The following CECR2 variants were observed in gnomAD, a reference collection of about 807,000 sequenced individuals.
CECR2 encodes the protein chromatin remodeling regulator CECR2.
CECR2 carries 30 observed loss-of-function variants against 154.5 expected under a neutral mutation model. The ratio of observed to expected loss-of-function variants is 0.19; its 90% CI spans 0.15 to 0.26. The LOEUF is 0.26. CECR2 is among the 10% of genes least tolerant of loss of function. The pLI, the probability that CECR2 is intolerant of heterozygous loss-of-function variation, is 1.00. For synonymous variants in CECR2, 725 were observed against 683.7 expected (o/e 1.06, Z -0.94); for missense variants, 1,743 against 1,829.3 (o/e 0.95, Z 0.86).
At chr22:17,379,182 C>G (rs1279260793) in intron 1 of CECR2, among the ~76,000 whole-genome samples, 1 of 152,074 alleles carries the variant, frequency 6.6e-6, no homozygotes, top group East Asian at 1.9e-4. Context: ...GTTTCGAACT[C>G]CTGACCTCCA....
chr22:17,520,022 C>T (rs2056129543), intron 8 of CECR2, among the ~76,000 whole-genome samples: 1 of 152,146 alleles, frequency 6.6e-6, no homozygotes, highest in Non-Finnish European at 1.5e-5. Context: ...ATCTCTTAAC[C>T]TCATGATCCA....
Position 17,390,005 on chromosome 22 carries a change from A to G in CECR2, c.126+20096A>G, listed in dbSNP as rs1160483926. Among the ~76,000 whole-genome samples, 4 of 152,220 alleles carry G rather than the reference A, an allele frequency of 2.6e-5. No homozygotes were observed. The East Asian group carries it at 5.8e-4, about 22-fold the overall frequency. Reference sequence around the variant, plus strand: ...CTGAGTAAGATCTGTAGATAATAGTATATCAAATGTTGCCAATTGAGCCAA... The same window carrying G: ...CTGAGTAAGATCTGTAGATAATAGTGTATCAAATGTTGCCAATTGAGCCAA... On this transcript the variant is annotated intron_variant, in intron 1 of 18. Transcript: ENST00000262608.
intron 1 of CECR2, among the ~76,000 whole-genome samples, chr22:17,471,064 C>A (rs750354935): frequency 1.3e-5 from 2 of 152,178 alleles, no homozygotes; most frequent in African/African-American, 2.4e-5. Flanking sequence ...CTGTAAGAGT[C>A]ATGCAAGTAT....
intron 7 of CECR2, among the ~76,000 whole-genome samples, chr22:17,510,273 A>G (rs942178322): frequency 1.3e-5 from 2 of 152,140 alleles, no homozygotes; most frequent in Admixed American, 6.5e-5. Context: ...TTTGGAAGGC[A>G]GTTCCCTGAT....
intron 1 of CECR2, among the ~76,000 whole-genome samples, chr22:17,470,140 T>C (rs1247246003): frequency 3.3e-5 from 5 of 151,960 alleles, no homozygotes; most frequent in South Asian, 2.1e-4. Flanking sequence ...TGAAATTATA[T>C]ATAAAATTTT....
At chr22:17,366,152 C>G (rs73153486), upstream of CECR2, among the ~76,000 whole-genome samples, 3,613 of 152,156 alleles carry the variant, frequency 0.024, 59 homozygotes, top group Non-Finnish European at 0.039. Context: ...CAGAAAACAG[C>G]ACGAATGAGA....
In CECR2 at chr22:17,471,683, C is replaced by T. The variant is rs549451425; in HGVS notation, c.127-5905C>T. On this transcript the variant is annotated intron_variant, in intron 1 of 18. Coordinates refer to ENST00000262608, the MANE Select transcript of CECR2 (RefSeq NM_001290047.2). Reference sequence around the variant, plus strand: ...CCCCGGTAGTTGGGATTACAGGCACCCGCCACCACTCCTGGCTAATATTTG... The same window carrying T: ...CCCCGGTAGTTGGGATTACAGGCACTCGCCACCACTCCTGGCTAATATTTG... Among the ~76,000 whole-genome samples, 32 of 152,082 alleles carry T rather than the reference C, an allele frequency of 2.1e-4. No homozygotes were observed. In the South Asian group the frequency reaches 6.0e-3, roughly 29 times the overall value.
chr22:17,381,744 G>A (rs968962008), intron 1 of CECR2, among the ~76,000 whole-genome samples: 1 of 152,078 alleles, frequency 6.6e-6, no homozygotes, highest in African/African-American at 2.4e-5. Flanking sequence ...TTTGCCCAGT[G>A]AGCGATAGGG....
intron 1 of CECR2, among the ~76,000 whole-genome samples, chr22:17,417,956 T>G (rs1253964122): frequency 6.6e-6 from 1 of 152,104 alleles, no homozygotes; most frequent in Non-Finnish European, 1.5e-5. Context: ...AGAAGAATCT[T>G]GATAGAACGT....
At chr22:17,494,527 G>A (rs1252985397) in intron 2 of CECR2, among the ~76,000 whole-genome samples, 1 of 152,168 alleles carries the variant, frequency 6.6e-6, no homozygotes, top group Non-Finnish European at 1.5e-5. Context: ...GCCGGTGCTC[G>A]TGTGCTGAAT....
At chr22:17,548,063 A>C (rs2056640835) in intron 16 of CECR2, 85 bp from the exon 17 acceptor site, 1 of 1,275,312 alleles carries the variant, frequency 7.8e-7, no homozygotes, top group African/African-American at 1.5e-5. Context: ...ATCCACCTTA[A>C]TCTGACTCAG....
chr22:17,389,254 C>G (rs1447647937), intron 1 of CECR2, among the ~76,000 whole-genome samples: 3 of 152,166 alleles, frequency 2.0e-5, no homozygotes, highest in African/African-American at 7.2e-5. Context: ...CTCTTTCTCC[C>G]CACCAAGCTA....
chr22:17,526,860 ACT>A (rs2056274631), intron 9 of CECR2, among the ~76,000 whole-genome samples: 1 of 151,810 alleles, frequency 6.6e-6, no homozygotes, highest in South Asian at 2.1e-4. Context: ...AAATTATGAA[ACT>A]CTACAAGAAA....
chr22:17,414,862 T>C (rs2054133649), intron 1 of CECR2, among the ~76,000 whole-genome samples: 1 of 152,192 alleles, frequency 6.6e-6, no homozygotes, highest in South Asian at 2.1e-4. Context: ...GTGTGATTTA[T>C]CTTGAGCCTT....
Position 17,427,529 on chromosome 22 carries a change from G to A in CECR2, c.127-50059G>A, listed in dbSNP as rs114056938. Among the ~76,000 whole-genome samples the A allele has an allele frequency of 2.3e-3, 345 of 152,162 alleles. 1 individual carries two copies. The highest frequency in any genetic ancestry group is 8.0e-3 in the African/African-American group (332 of 41,498). ...GGCGCGTCCAGGGTTTGTTCCTTCC[G>A]GTGGGTTTGTGGTCTCGCTGACTTT... On this transcript the variant is annotated intron_variant, in intron 1 of 18. Coordinates refer to ENST00000262608, the MANE Select transcript of CECR2 (RefSeq NM_001290047.2).
chr22:17,448,207 A>G (rs780112124), intron 1 of CECR2, among the ~76,000 whole-genome samples: 19 of 152,194 alleles, frequency 1.2e-4, no homozygotes, highest in Non-Finnish European at 2.5e-4. Flanking sequence ...GAAGGATGTG[A>G]GATGTGTGTA....
intron 1 of CECR2, among the ~76,000 whole-genome samples, chr22:17,443,302 A>G (rs5747143): frequency 0.13 from 20,026 of 152,166 alleles, 1,525 homozygotes; most frequent in South Asian, 0.25. Flanking sequence ...GCTCTGGGCG[A>G]TTTCTCTATT....
At chr22:17,453,079 C>T (rs1275955953) in intron 1 of CECR2, among the ~76,000 whole-genome samples, 1 of 152,088 alleles carries the variant, frequency 6.6e-6, no homozygotes, top group African/African-American at 2.4e-5. Context: ...CATTCTGGTA[C>T]ATTGTATGAA....
At chr22:17,537,985 C>A (rs1267174867) in intron 10 of CECR2, among the ~76,000 whole-genome samples, 1 of 148,644 alleles carries the variant, frequency 6.7e-6, no homozygotes, top group African/African-American at 2.5e-5. Context: ...CAGAGTGAGA[C>A]TCCGTCCAAA....
Sources: gnomAD v4.1 joint callset for allele counts (sites outside exome capture counted in the v4.1 genomes callset) on GRCh38, gnomAD v4.1.1 for gene constraint, MANE v1.5 for transcripts, NCBI Gene and HGNC (gene_info 2026-07-23, HGNC 2026-07-21) for gene names.